The following SEC14L1 variants were observed in gnomAD, a reference collection of about 807,000 sequenced individuals.
SEC14L1 encodes the protein SEC14 like lipid binding 1.
SEC14L1 carries 48 observed loss-of-function variants against 85.3 expected under a neutral mutation model. The observed-to-expected ratio is 0.56, with a 90% CI of 0.45 to 0.72. SEC14L1 has a LOEUF of 0.72. Ranked by LOEUF, SEC14L1 falls within the 30% of genes least tolerant of loss-of-function variation. The pLI is 0.00. For synonymous variants in SEC14L1, 391 were observed against 355.5 expected, an observed-to-expected ratio of 1.10 and a Z score of -1.12; for missense variants, 682 against 921.4, an observed-to-expected ratio of 0.74 and a Z score of 3.36.
chr17:77,212,227 C>T (rs758070652), intron 15 of SEC14L1, 26 bp downstream of exon 15: 44 of 1,609,080 alleles, frequency 2.7e-5, no homozygotes, highest in South Asian at 3.3e-5. Flanking sequence ...GGTCAAATCG[C>T]GCATCCGTGA....
At chr17:77,139,132 G>C (rs1401966781), upstream of SEC14L1, among the ~76,000 whole-genome samples, 1 of 149,638 alleles carries the variant, frequency 6.7e-6, no homozygotes, top group Non-Finnish European at 1.5e-5. Context: ...ACTGGTGGTT[G>C]CATCTAGAAG....
rs779620583 is a variant in SEC14L1 at position 77,194,838 on chromosome 17, C to T, written c.636C>T (p.Ala212=). ...TGGCCGTCGTCATCCCAGAAGCTGC[C>T]CTCAAGGAGGGGCTGAGTGGTGATG... is the stretch of plus-strand genomic sequence containing the variant. ...ASMAVVIPEA[A]LKEGLSGDAL... The change falls in exon 7 of 17, where the codon GCC becomes GCT. Residue 212 remains alanine (A), a synonymous_variant. Transcript: ENST00000436233. 2.5e-6 allele frequency: 4 copies of T among 1,614,206 alleles called. No individual in the cohort carries two copies. The highest frequency in any genetic ancestry group is 1.1e-5 in the South Asian group (1 of 91,086).
intron 3 of SEC14L1, chr17:77,152,535 CA>C (rs11295576): frequency 0.86 from 92,829 of 108,438 alleles, 39,379 homozygotes; most frequent in East Asian, 0.94. Flanking sequence ...GACTCCGTCT[CA>C]AAAAAAAAAA....
intron 3 of SEC14L1, among the ~76,000 whole-genome samples, chr17:77,118,393 T>G (rs116935228): frequency 0.011 from 1,692 of 152,314 alleles, 36 homozygotes; most frequent in Admixed American, 0.043. Context: ...TAGGCACATA[T>G]GGAGACTGTC....
At chr17:77,136,901 C>G (rs1972815469), upstream of SEC14L1, among the ~76,000 whole-genome samples, 1 of 150,380 alleles carries the variant, frequency 6.6e-6, no homozygotes, top group Non-Finnish European at 1.5e-5. Flanking sequence ...GCAATAATTT[C>G]TTTTTCTTTC....
chr17:77,124,381 C>G (rs932455347), intron 3 of SEC14L1, among the ~76,000 whole-genome samples: 2 of 151,974 alleles, frequency 1.3e-5, no homozygotes, highest in Admixed American at 1.3e-4. Flanking sequence ...AAACAAAAAC[C>G]GGAAACCACG....
At chr17:77,152,257 T>G (rs1031572881) in intron 3 of SEC14L1, among the ~76,000 whole-genome samples, 39 of 152,122 alleles carry the variant, frequency 2.6e-4, no homozygotes, top group African/African-American at 9.2e-4. Context: ...CAGTGCTGGC[T>G]GGGCACGGTG....
At chr17:77,109,445 T>C (rs1447640441) in intron 3 of SEC14L1, among the ~76,000 whole-genome samples, 1 of 152,208 alleles carries the variant, frequency 6.6e-6, no homozygotes, top group Non-Finnish European at 1.5e-5. Flanking sequence ...GGGAACTTCA[T>C]TAGCATGCTG....
At chr17:77,123,072 A>T (rs1972343230) in intron 3 of SEC14L1, among the ~76,000 whole-genome samples, 1 of 147,286 alleles carries the variant, frequency 6.8e-6, no homozygotes. Flanking sequence ...TTTTTTTGAG[A>T]TGGAGTCTCA....
chr17:77,194,847 G>C lies in SEC14L1; in HGVS notation c.645G>C (p.Glu215Asp). ...TCATCCCAGAAGCTGCCCTCAAGGA[G>C]GGGCTGAGTGGTGATGCCCTCAGCA... ...AVVIPEAALK[E>D]GLSGDALSSP... Residue 215 changes from glutamate to aspartate, a missense_variant, in exon 7 of 17, where the codon GAG becomes GAC. This residue lies in a region of SEC14L1 where 123 missense variants were observed against 100.6 expected (regional missense o/e 1.22). Coordinates refer to ENST00000436233, the MANE Select transcript of SEC14L1 (RefSeq NM_001143998.2). The C allele has an allele frequency of 6.2e-7, 1 of 1,614,202 alleles. No individual in the cohort carries two copies.
In SEC14L1 at chr17:77,215,090, G is replaced by T; in HGVS notation, c.*1067G>T. 1 of 985,654 alleles carries T rather than the reference G, an allele frequency of 1.0e-6. No individual in the cohort carries two copies. 61.1% of individuals were successfully genotyped at this position (985,654 alleles called of 1,614,324 possible). ...GTGTGTGTGTGCATGTGCTGTGTGT[G>T]TGCATGTGTGCATGACGGTGGGGGT... is the stretch of plus-strand genomic sequence containing the variant. On this transcript the variant is annotated 3_prime_UTR_variant, in exon 17 of 17. Coordinates refer to ENST00000436233, the MANE Select transcript of SEC14L1 (RefSeq NM_001143998.2).
rs114272832 is a variant in SEC14L1 at position 77,098,571 on chromosome 17, G to A, written c.-136+5224G>A. On this transcript the variant is annotated intron_variant, in intron 3 of 19. Transcript: ENST00000392476. ...TCCCAGGTCTATGCATGGGGACACCGTCTTTTTGGCTCATGTTGAGCCACA... is the reference window on the plus strand; with the variant it reads ...TCCCAGGTCTATGCATGGGGACACCATCTTTTTGGCTCATGTTGAGCCACA... 3.6e-3 allele frequency among the ~76,000 whole-genome samples: 549 copies of A among 152,184 alleles called. 6 individuals are homozygous for A. The highest frequency in any genetic ancestry group is 0.012 in the African/African-American group (511 of 41,536).
chr17:77,139,361 G>A (rs1192308544), upstream of SEC14L1, among the ~76,000 whole-genome samples: 1 of 151,644 alleles, frequency 6.6e-6, no homozygotes, highest in Non-Finnish European at 1.5e-5. Flanking sequence ...TAGTGGAGAC[G>A]AGGTCTCACC....
upstream of SEC14L1, among the ~76,000 whole-genome samples, chr17:77,139,540 C>G (rs966781030): frequency 6.2e-5 from 9 of 145,186 alleles, no homozygotes; most frequent in Admixed American, 2.1e-4. Flanking sequence ...CTCTGTCGAC[C>G]AGGCTGGGGT....
At chr17:77,176,633 C>A (rs1250491332) in intron 3 of SEC14L1, among the ~76,000 whole-genome samples, 1 of 152,186 alleles carries the variant, frequency 6.6e-6, no homozygotes, top group Non-Finnish European at 1.5e-5. Context: ...GTTGTCCAGG[C>A]TGGAGTGCAA....
rs373138109 is a variant in SEC14L1 at position 77,187,215 on chromosome 17, G to A, written c.64-3588G>A. Among the ~76,000 whole-genome samples the A allele has an allele frequency of 7.9e-5, 12 of 152,312 alleles. No homozygotes were observed. In the South Asian group the frequency reaches 2.3e-3, roughly 29 times the overall value. On this transcript the variant is annotated intron_variant, in intron 3 of 16. Transcript: ENST00000436233. ...GTCCCAGGCATTTTGGAGAAGGGAT[G>A]CTCAACCCATACAACCTTACAGAGG... is the stretch of plus-strand genomic sequence containing the variant.
intron 3 of SEC14L1, among the ~76,000 whole-genome samples, chr17:77,160,797 A>G (rs1381272003): frequency 1.3e-5 from 2 of 151,608 alleles, no homozygotes; most frequent in Non-Finnish European, 2.9e-5. Flanking sequence ...GCTGAGCACT[A>G]TCAGCACATG....
chr17:77,123,994 A>G (rs1972371570), intron 3 of SEC14L1, among the ~76,000 whole-genome samples: 1 of 152,248 alleles, frequency 6.6e-6, no homozygotes, highest in Admixed American at 6.5e-5. Context: ...GGACTTTGGC[A>G]GGAGCCACGT....
intron 8 of SEC14L1, among the ~76,000 whole-genome samples, chr17:77,199,963 G>A (rs544131873): frequency 4.5e-4 from 68 of 152,274 alleles, no homozygotes; most frequent in South Asian, 3.9e-3. Context: ...GAGCTCAGGC[G>A]TTTGAGACCA....
Sources: allele counts gnomAD v4.1 joint callset (sites outside exome capture counted in the v4.1 genomes callset), GRCh38; gene constraint gnomAD v4.1.1; regional missense constraint gnomAD v4.1.1; transcripts MANE v1.5; gene names NCBI Gene and HGNC (gene_info 2026-07-23, HGNC 2026-07-21).